Variants in ARHGAP31 observed in about 807,000 individuals in gnomAD.
ARHGAP31 encodes rho GTPase-activating protein 31.
A neutral mutation model predicts 113.9 loss-of-function variants in ARHGAP31; 34 were observed. The observed-to-expected ratio is 0.30, with a 90% CI of 0.23 to 0.40. The LOEUF (loss-of-function observed/expected upper bound fraction) is 0.40, where lower values mean the gene tolerates loss of function less well. Among genes scored for constraint, ARHGAP31 ranks in the 10% least tolerant of loss-of-function variants. ARHGAP31 has a pLI of 1.00. For missense variants in ARHGAP31, 1,548 were observed against 1,767.1 expected (o/e 0.88, Z 2.22); for synonymous variants, 650 against 684.8 (o/e 0.95, Z 0.79).
intron 1 of ARHGAP31, among the ~76,000 whole-genome samples, chr3:119,296,066 G>A (rs1040124544): frequency 9.9e-5 from 15 of 152,206 alleles, no homozygotes; most frequent in African/African-American, 2.9e-4. Flanking sequence ...GTAACCGTGC[G>A]GAATAATTCT....
intron 3 of ARHGAP31, among the ~76,000 whole-genome samples, chr3:119,378,835 C>A (rs1315275614): frequency 6.6e-6 from 1 of 152,152 alleles, no homozygotes; most frequent in African/African-American, 2.4e-5. Context: ...TACTGGAAGC[C>A]CCATTCTTGC....
chr3:119,366,916 A>G (rs1464317674), intron 2 of ARHGAP31, among the ~76,000 whole-genome samples: 1 of 152,122 alleles, frequency 6.6e-6, no homozygotes, highest in Non-Finnish European at 1.5e-5. Context: ...AGCCTGGCCA[A>G]CATGATGAAA....
intron 1 of ARHGAP31, among the ~76,000 whole-genome samples, chr3:119,344,886 GT>G (rs1263400916): frequency 6.6e-6 from 1 of 151,922 alleles, no homozygotes; most frequent in Non-Finnish European, 1.5e-5. Context: ...ACCAACCATA[GT>G]TTTTTTACCC....
intron 1 of ARHGAP31, among the ~76,000 whole-genome samples, chr3:119,297,160 A>AT (rs34608616): frequency 4.0e-4 from 61 of 152,282 alleles, no homozygotes; most frequent in African/African-American, 1.5e-3. Context: ...ATTAGAATTT[A>AT]TTTTTTCCCT....
At chr3:119,328,452 C>G (rs2107605931) in intron 1 of ARHGAP31, among the ~76,000 whole-genome samples, 1 of 152,244 alleles carries the variant, frequency 6.6e-6, no homozygotes, top group South Asian at 2.1e-4. Flanking sequence ...ACTGGAGGGC[C>G]CTTCTTTCTT....
At chr3:119,358,135 A>T (rs1428790167) in intron 1 of ARHGAP31, among the ~76,000 whole-genome samples, 1 of 152,208 alleles carries the variant, frequency 6.6e-6, no homozygotes, top group Non-Finnish European at 1.5e-5. Flanking sequence ...ATAAGAGTCT[A>T]GTATTCAGAA....
chr3:119,329,341 A>T (rs1348852927), intron 1 of ARHGAP31, among the ~76,000 whole-genome samples: 1 of 152,138 alleles, frequency 6.6e-6, no homozygotes, highest in Non-Finnish European at 1.5e-5. Context: ...CATGACCAGA[A>T]CTACACGCAC....
intron 10 of ARHGAP31, among the ~76,000 whole-genome samples, chr3:119,402,623 A>C (rs2080622610): frequency 6.6e-6 from 1 of 152,240 alleles, no homozygotes; most frequent in African/African-American, 2.4e-5. Flanking sequence ...AATTATGTTA[A>C]TAATACCTTT....
At chr3:119,407,074 G>A (rs558202670) in intron 10 of ARHGAP31, among the ~76,000 whole-genome samples, 6 of 152,196 alleles carry the variant, frequency 3.9e-5, no homozygotes, top group South Asian at 4.2e-4. Context: ...TGCTGGGCGC[G>A]ATGGCTCACA....
intron 2 of ARHGAP31, 54 bp downstream of exon 2, chr3:119,365,472 A>G: frequency 1.4e-6 from 2 of 1,481,438 alleles, no homozygotes; most frequent in East Asian, 2.3e-5. Context: ...TCCTGTGTCC[A>G]TGCCTCTGTC....
intron 1 of ARHGAP31, among the ~76,000 whole-genome samples, chr3:119,311,593 C>T (rs2079684102): frequency 6.6e-6 from 1 of 152,178 alleles, no homozygotes. Context: ...AGTTTGTTTT[C>T]CCACAGGACA....
At chr3:119,392,391 T>A (rs756135227) in intron 7 of ARHGAP31, among the ~76,000 whole-genome samples, 1 of 152,208 alleles carries the variant, frequency 6.6e-6, no homozygotes, top group Non-Finnish European at 1.5e-5. Flanking sequence ...AAGACTGCAG[T>A]AAGCCTTGTT....
At chr3:119,334,521 T>C (rs73854491) in intron 1 of ARHGAP31, among the ~76,000 whole-genome samples, 2,255 of 152,322 alleles carry the variant, frequency 0.015, 50 homozygotes, top group African/African-American at 0.051. Flanking sequence ...AGTCATGCCT[T>C]CTGGGCCCAT....
At chr3:119,396,582 A>G (rs959764740) in intron 8 of ARHGAP31, among the ~76,000 whole-genome samples, 2 of 152,352 alleles carry the variant, frequency 1.3e-5, no homozygotes, top group South Asian at 4.1e-4. Flanking sequence ...AAGTTAGGCC[A>G]TTGAACCCTG....
At chr3:119,397,282 G>C (rs1406700620) in intron 8 of ARHGAP31, among the ~76,000 whole-genome samples, 2 of 152,200 alleles carry the variant, frequency 1.3e-5, no homozygotes, top group African/African-American at 4.8e-5. Context: ...TCATGAGAAA[G>C]AGGCTTCAAC....
At chr3:119,375,989 C>A (rs1559984222) in intron 3 of ARHGAP31, among the ~76,000 whole-genome samples, 1 of 152,210 alleles carries the variant, frequency 6.6e-6, no homozygotes, top group Non-Finnish European at 1.5e-5. Flanking sequence ...GTAGCTAGAG[C>A]TACAGGCGTA....
chr3:119,294,964 C>T lies in ARHGAP31; in HGVS notation c.60C>T (p.Gly20=). 6.2e-7 allele frequency: 1 copy of T among 1,614,078 alleles called. No homozygotes were observed. The highest frequency in any genetic ancestry group is 1.1e-5 in the South Asian group (1 of 91,080). The change falls in exon 1 of 12, where the codon GGC becomes GGT. Residue 20 remains glycine (G), a synonymous_variant. Coordinates refer to ENST00000264245, the MANE Select transcript of ARHGAP31 (RefSeq NM_020754.4). ...GAAAGGGAGCCGCCAGCGCGTTTGG[C>T]TGTGACCTGACGGAGTATCTGGAAA... ...LKRKGAASAF[G]CDLTEYLESS...
intron 8 of ARHGAP31, among the ~76,000 whole-genome samples, chr3:119,395,567 C>T (rs2080543988): frequency 6.6e-6 from 1 of 152,184 alleles, no homozygotes; most frequent in African/African-American, 2.4e-5. Flanking sequence ...GGAGAAAGAA[C>T]ATTTCTGGTA....
chr3:119,297,381 T>A lies in ARHGAP31; in HGVS notation c.100+2377T>A, dbSNP rs74557620. ...GCCCTCTGCCCACCACCTTGGAAGATCAGCCCAGAATGCTGAGGGTGACAA... is the reference window on the plus strand; with the variant it reads ...GCCCTCTGCCCACCACCTTGGAAGAACAGCCCAGAATGCTGAGGGTGACAA... On this transcript the variant is annotated intron_variant, in intron 1 of 11. Transcript: ENST00000264245. 6.2e-3 allele frequency among the ~76,000 whole-genome samples: 949 copies of A among 152,278 alleles called. 15 individuals carry two copies. In the East Asian group the frequency reaches 0.063, roughly 10 times the overall value.
Sources: gnomAD v4.1 joint callset for allele counts (sites outside exome capture counted in the v4.1 genomes callset) on GRCh38, gnomAD v4.1.1 for gene constraint, MANE v1.5 for transcripts, NCBI Gene and HGNC (gene_info 2026-07-23, HGNC 2026-07-21) for gene names.